The following HDAC9 variants were observed in gnomAD, a reference collection of about 807,000 sequenced individuals.
The protein encoded by HDAC9 is histone deacetylase 9, also known as MEF-2 interacting transcription repressor (MITR) protein.
In HDAC9, 41 loss-of-function variants were observed where a neutral mutation model predicts 139.4. The ratio of observed to expected loss-of-function variants is 0.29; its 90% CI spans 0.23 to 0.38. HDAC9 has a LOEUF of 0.38. Ranked by LOEUF, HDAC9 falls within the 10% of genes least tolerant of loss-of-function variation. The pLI is 1.00. For missense variants in HDAC9, 1,147 were observed against 1,297.0 expected, an observed-to-expected ratio of 0.88 and a Z score of 1.78; for synonymous variants, 517 against 476.2, an observed-to-expected ratio of 1.09 and a Z score of -1.12.
chr7:18,587,477 G>T (rs1829783509), intron 3 of HDAC9, among the ~76,000 whole-genome samples: 1 of 152,052 alleles, frequency 6.6e-6, no homozygotes, highest in South Asian at 2.1e-4. Flanking sequence ...TATTTTTTAT[G>T]GATAAAGCTA....
chr7:18,992,173 A>ATAAG (rs1336099012), intron 25 of HDAC9, among the ~76,000 whole-genome samples: 2 of 152,230 alleles, frequency 1.3e-5, no homozygotes, highest in East Asian at 3.8e-4. Flanking sequence ...CATTCTCAGC[A>ATAAG]TAAGTCTTTA....
chr7:18,141,880 A>G (rs140736435), intron 1 of HDAC9, among the ~76,000 whole-genome samples: 1 of 152,262 alleles, frequency 6.6e-6, no homozygotes, highest in East Asian at 1.9e-4. Context: ...CTGTGGCTTT[A>G]TAGATTTGAA....
At chr7:18,714,767 T>G (rs538029393) in intron 12 of HDAC9, among the ~76,000 whole-genome samples, 1 of 152,348 alleles carries the variant, frequency 6.6e-6, no homozygotes, top group Non-Finnish European at 1.5e-5. Flanking sequence ...TAATTATTTG[T>G]GTGGAACTGG....
chr7:18,539,522 A>G (rs571711380), intron 2 of HDAC9, among the ~76,000 whole-genome samples: 27 of 152,326 alleles, frequency 1.8e-4, no homozygotes, highest in African/African-American at 6.0e-4. Context: ...AGTAAACGGT[A>G]TTGTACTCAC....
chr7:18,727,550 C>G lies in HDAC9; in HGVS notation c.1732-30C>G. The stretch of plus-strand genomic sequence containing the variant: ...CTCCCTCAATCCTTGTCTCACATTT[C>G]TTTCTACTGTGCTCTTTTCTTGGCA... On this transcript the variant is annotated intron_variant, in intron 12 of 25. Transcript: ENST00000686413. 3.9e-6 allele frequency: 6 copies of G among 1,556,512 alleles called. No individual in the cohort carries two copies. The African/African-American group carries it at 5.5e-5, about 14-fold the overall frequency.
intron 2 of HDAC9, among the ~76,000 whole-genome samples, chr7:18,164,949 C>T (rs1787902413): frequency 6.6e-6 from 1 of 152,052 alleles, no homozygotes; most frequent in Non-Finnish European, 1.5e-5. Context: ...AGTGTGTTAC[C>T]CAATAGGGAC....
chr7:18,526,751 A>T (rs1301752469), intron 2 of HDAC9, among the ~76,000 whole-genome samples: 1 of 152,210 alleles, frequency 6.6e-6, no homozygotes, highest in Non-Finnish European at 1.5e-5. Flanking sequence ...TAACTTAAAA[A>T]GAAAAAAACT....
intron 2 of HDAC9, among the ~76,000 whole-genome samples, chr7:18,580,564 A>G (rs552708851): frequency 6.6e-6 from 1 of 152,322 alleles, no homozygotes; most frequent in East Asian, 1.9e-4. Context: ...TACATGTGTC[A>G]CAAGGTCTTG....
chr7:18,683,265 A>G (rs1198300748), intron 12 of HDAC9, among the ~76,000 whole-genome samples: 1 of 151,458 alleles, frequency 6.6e-6, no homozygotes, highest in Admixed American at 6.6e-5. Context: ...TTATTTGCAC[A>G]TTGTCCTAAA....
At chr7:18,688,887 C>T (rs1159818068) in intron 12 of HDAC9, among the ~76,000 whole-genome samples, 1 of 151,792 alleles carries the variant, frequency 6.6e-6, no homozygotes, top group Non-Finnish European at 1.5e-5. Flanking sequence ...TGTTAGCTAC[C>T]TGGCAAAAAC....
intron 2 of HDAC9, among the ~76,000 whole-genome samples, chr7:18,216,619 C>G (rs1244146130): frequency 6.6e-6 from 1 of 152,060 alleles, no homozygotes; most frequent in Non-Finnish European, 1.5e-5. Context: ...CATATTTTGA[C>G]CTATTGATGT....
chr7:18,326,565 GC>G (rs1333472196), intron 1 of HDAC9, among the ~76,000 whole-genome samples: 1 of 151,962 alleles, frequency 6.6e-6, no homozygotes, highest in African/African-American at 2.4e-5. Context: ...TAACTTCTGA[GC>G]TCAGAATGAA....
intron 1 of HDAC9, among the ~76,000 whole-genome samples, chr7:18,472,898 G>A (rs1020837784): frequency 2.6e-5 from 4 of 152,186 alleles, no homozygotes; most frequent in African/African-American, 4.8e-5. Context: ...GTTTAGAACA[G>A]CACCTGATGT....
chr7:18,168,577 T>TGTGTGTGTACGTGTGTGGTGC (rs1211264708), intron 2 of HDAC9, among the ~76,000 whole-genome samples: 1 of 152,134 alleles, frequency 6.6e-6, no homozygotes, highest in Non-Finnish European at 1.5e-5. Context: ...TGTCTGTGTG[T>TGTGTGTGTACGTGTGTGGTGC]GTGTGTGTAC....
chr7:18,210,362 T>C (rs1791851211), intron 2 of HDAC9, among the ~76,000 whole-genome samples: 1 of 152,234 alleles, frequency 6.6e-6, no homozygotes. Flanking sequence ...TTTAACACTT[T>C]TCTAATGAAG....
intron 1 of HDAC9, among the ~76,000 whole-genome samples, chr7:18,426,647 C>T (rs1182537606): frequency 6.6e-6 from 1 of 152,196 alleles, no homozygotes; most frequent in East Asian, 1.9e-4. Context: ...CACACTCATA[C>T]ACACCATCTT....
chr7:18,838,963 A>T (rs2129213387), intron 21 of HDAC9, among the ~76,000 whole-genome samples: 1 of 152,146 alleles, frequency 6.6e-6, no homozygotes, highest in South Asian at 2.1e-4. Context: ...CAAACCAAAG[A>T]TTTCACATTT....
chr7:18,478,175 C>T (rs1032801116), intron 1 of HDAC9, among the ~76,000 whole-genome samples: 2 of 152,052 alleles, frequency 1.3e-5, no homozygotes, highest in Non-Finnish European at 2.9e-5. Context: ...GGGTTCACGC[C>T]GTTTTCCTGC....
chr7:18,177,500 A>T (rs1562712122), intron 2 of HDAC9, among the ~76,000 whole-genome samples: 1 of 152,084 alleles, frequency 6.6e-6, no homozygotes, highest in Non-Finnish European at 1.5e-5. Flanking sequence ...AGAGCTGCTT[A>T]CCTTCCCCAG....
Sources: allele counts gnomAD v4.1 joint callset (sites outside exome capture counted in the v4.1 genomes callset), GRCh38; gene constraint gnomAD v4.1.1; transcripts MANE v1.5; gene names NCBI Gene and HGNC (gene_info 2026-07-23, HGNC 2026-07-21).